Variants in RANBP2 observed in about 807,000 individuals in gnomAD.
RANBP2 encodes E3 SUMO-protein ligase RanBP2.
A neutral mutation model predicts 303.6 loss-of-function variants in RANBP2; 57 were observed. The observed-to-expected ratio is 0.19, with a 90% CI of 0.15 to 0.23. The LOEUF is 0.23. Ranked by LOEUF, RANBP2 falls within the 10% of genes least tolerant of loss-of-function variation. The probability of loss-of-function intolerance (pLI) is 1.00; values close to 1 mark genes in which losing one functional copy is unlikely to be tolerated. For synonymous variants in RANBP2, 1,167 were observed against 1,301.5 expected (o/e 0.90, Z 2.23); for missense variants, 3,138 against 3,780.8 (o/e 0.83, Z 4.46).
At chr2:109,108,361 C>T in the RANBP2 span, among the ~76,000 whole-genome samples, 1 of 152,304 alleles carries the variant, frequency 6.6e-6, no homozygotes, top group African/African-American at 2.4e-5. Flanking sequence ...TAAAACTCTC[C>T]TTTTCTTATC....
chr2:109,041,362 A>G, the RANBP2 span, among the ~76,000 whole-genome samples: 1 of 152,218 alleles, frequency 6.6e-6, no homozygotes, highest in African/African-American at 2.4e-5. Context: ...GATAGACAAC[A>G]TCCTTGTCAT....
chr2:108,875,270 G>T, the RANBP2 span, among the ~76,000 whole-genome samples: 11 of 148,830 alleles, frequency 7.4e-5, no homozygotes, highest in Admixed American at 4.7e-4. Context: ...GTATACATAT[G>T]TAACTAACCT....
At chr2:108,839,925 A>G in the RANBP2 span, among the ~76,000 whole-genome samples, 9 of 152,060 alleles carry the variant, frequency 5.9e-5, no homozygotes, top group East Asian at 7.7e-4. Flanking sequence ...TGGTGAGAGT[A>G]GTCATCCTTG....
At chr2:109,140,062 A>G in the RANBP2 span, among the ~76,000 whole-genome samples, 2 of 152,202 alleles carry the variant, frequency 1.3e-5, no homozygotes, top group Non-Finnish European at 2.9e-5. Flanking sequence ...GGCTGGGGTG[A>G]AGAGGACAGG....
the RANBP2 span, chr2:108,805,105 A>G: frequency 6.9e-6 from 4 of 580,204 alleles, no homozygotes; most frequent in Non-Finnish European, 1.1e-5. Context: ...CGTTTCAGCT[A>G]GAGAAAATTT....
the RANBP2 span, among the ~76,000 whole-genome samples, chr2:109,534,131 T>C: frequency 6.6e-6 from 1 of 152,188 alleles, no homozygotes. Context: ...GGAGACCTCA[T>C]TTCTGTGGAC....
At chr2:109,393,995 C>T in the RANBP2 span, among the ~76,000 whole-genome samples, 3 of 152,130 alleles carry the variant, frequency 2.0e-5, no homozygotes, top group East Asian at 1.9e-4. Context: ...ACCTCCCCAC[C>T]GGAGTCAGGA....
At chr2:109,073,756 A>T in the RANBP2 span, among the ~76,000 whole-genome samples, 2 of 150,810 alleles carry the variant, frequency 1.3e-5, no homozygotes, top group African/African-American at 4.8e-5. Flanking sequence ...ACCACCCAGC[A>T]GATCTACATA....
chr2:108,839,643 T>C, the RANBP2 span, among the ~76,000 whole-genome samples: 1 of 152,128 alleles, frequency 6.6e-6, no homozygotes, highest in African/African-American at 2.4e-5. Context: ...GCAATTTTAG[T>C]TGGTATTGTC....
At chr2:109,394,848 A>G in the RANBP2 span, among the ~76,000 whole-genome samples, 1 of 152,224 alleles carries the variant, frequency 6.6e-6, no homozygotes, top group Non-Finnish European at 1.5e-5. Context: ...CCTGTGCGCG[A>G]GACGAGTCTG....
chr2:109,234,116 T>G, the RANBP2 span, among the ~76,000 whole-genome samples: 1 of 152,224 alleles, frequency 6.6e-6, no homozygotes, highest in Non-Finnish European at 1.5e-5. Context: ...GTGTTTAATT[T>G]CCTTATAGGA....
chr2:109,218,501 A>G, the RANBP2 span, among the ~76,000 whole-genome samples: 56,273 of 152,112 alleles, frequency 0.37, 11,756 homozygotes, highest in East Asian at 0.8. Context: ...AGGCAGAAAT[A>G]GAAGAGCAGA....
At chr2:108,941,947 G>T in the RANBP2 span, among the ~76,000 whole-genome samples, 2 of 152,248 alleles carry the variant, frequency 1.3e-5, no homozygotes, top group Non-Finnish European at 1.5e-5. Flanking sequence ...GCACAGAGAG[G>T]CCTGTCCATG....
chr2:108,863,519 TG>T, the RANBP2 span, among the ~76,000 whole-genome samples: 1 of 152,188 alleles, frequency 6.6e-6, no homozygotes, highest in Non-Finnish European at 1.5e-5. Flanking sequence ...GGGTGCTCAT[TG>T]GGAAGAGCTT....
the RANBP2 span, among the ~76,000 whole-genome samples, chr2:109,117,421 C>T: frequency 1.5e-3 from 225 of 152,342 alleles, 1 homozygote; most frequent in Middle Eastern, 0.02. Flanking sequence ...ACTCCATGGG[C>T]GTAGGACCCT....
chr2:109,261,750 C>T, the RANBP2 span, among the ~76,000 whole-genome samples: 1 of 152,156 alleles, frequency 6.6e-6, no homozygotes, highest in African/African-American at 2.4e-5. Context: ...AATCGGCAGG[C>T]ATTTCAAGCC....
At chr2:108,771,900 C>CT (rs762177832) in intron 21 of RANBP2, 29 bp downstream of exon 21, 86 of 1,613,318 alleles carry the variant, frequency 5.3e-5, no homozygotes, top group Middle Eastern at 5.0e-4. Flanking sequence ...CAAAAATCCT[C>CT]TGTTCCCGCT....
chr2:109,723,929 T>C, the RANBP2 span, among the ~76,000 whole-genome samples: 2 of 152,224 alleles, frequency 1.3e-5, no homozygotes, highest in African/African-American at 2.4e-5. Flanking sequence ...TAATCCATCT[T>C]GTGTTAATTT....
chr2:109,158,117 A>ATAGC, the RANBP2 span, among the ~76,000 whole-genome samples: 22 of 152,214 alleles, frequency 1.4e-4, no homozygotes, highest in Admixed American at 1.4e-3. Flanking sequence ...AGAGGGTCCC[A>ATAGC]TAGCTAGTAA....
Sources: allele counts gnomAD v4.1 joint callset (sites outside exome capture counted in the v4.1 genomes callset), GRCh38; gene constraint gnomAD v4.1.1; transcripts MANE v1.5; gene names NCBI Gene and HGNC (gene_info 2026-07-23, HGNC 2026-07-21).